GLCE: variants seen among roughly 807,000 people sequenced by gnomAD.
GLCE encodes D-glucuronyl C5-epimerase.
GLCE carries 19 observed loss-of-function variants against 47.9 expected under a neutral mutation model. The observed-to-expected ratio is 0.40, with a 90% CI of 0.28 to 0.58. The LOEUF (loss-of-function observed/expected upper bound fraction) is 0.58. Ranked by LOEUF, GLCE falls within the 20% of genes least tolerant of loss-of-function variation. The probability of loss-of-function intolerance (pLI) is 0.48; values close to 1 mark genes in which losing one functional copy is unlikely to be tolerated. For missense variants in GLCE, 556 were observed against 743.3 expected (o/e 0.75, Z 2.93); for synonymous variants, 245 against 263.4 (o/e 0.93, Z 0.68).
chr15:69,219,900 C>T (rs1291077940), intron 2 of GLCE, among the ~76,000 whole-genome samples: 1 of 152,050 alleles, frequency 6.6e-6, no homozygotes, highest in African/African-American at 2.4e-5. Flanking sequence ...TCCCCCACTC[C>T]CTGGCAACCA....
intron 1 of GLCE, among the ~76,000 whole-genome samples, chr15:69,178,525 A>G (rs911715852): frequency 6.6e-6 from 1 of 152,116 alleles, no homozygotes; most frequent in Non-Finnish European, 1.5e-5. Context: ...ATAAGTTAAT[A>G]TATGTGGAGT....
chr15:69,252,641 C>T lies in GLCE; in HGVS notation c.-13-3153C>T, dbSNP rs558225520. Among the ~76,000 whole-genome samples the T allele has an allele frequency of 9.2e-5, 14 of 152,062 alleles. No homozygotes were observed. The East Asian group carries it at 1.7e-3, about 19-fold the overall frequency. On this transcript the variant is annotated intron_variant, in intron 2 of 4. Coordinates refer to ENST00000261858, the MANE Select transcript of GLCE (RefSeq NM_015554.3). Reference sequence around the variant, plus strand: ...TTCCATAAGCAGGGTTGCAGGCATGCGAGTAGTGGAGGAAGGGCACTTCTC... The same window carrying T: ...TTCCATAAGCAGGGTTGCAGGCATGTGAGTAGTGGAGGAAGGGCACTTCTC...
chr15:69,224,433 G>GA, intron 2 of GLCE, among the ~76,000 whole-genome samples: 1 of 152,124 alleles, frequency 6.6e-6, no homozygotes. Flanking sequence ...CCCAAAAGGA[G>GA]AAAAAGAGAA....
chr15:69,261,464 T>C (rs1286658779), intron 4 of GLCE, 135 bp downstream of exon 4: 6 of 804,600 alleles, frequency 7.5e-6, no homozygotes, highest in Non-Finnish European at 1.2e-5. Context: ...TAACAAATGG[T>C]GTCACCCCAA....
intron 2 of GLCE, among the ~76,000 whole-genome samples, chr15:69,221,804 A>G (rs1188433932): frequency 6.7e-6 from 1 of 149,556 alleles, no homozygotes; most frequent in African/African-American, 2.5e-5. Context: ...TGGATGTTGC[A>G]GTGAGCCAGG....
intron 2 of GLCE, among the ~76,000 whole-genome samples, chr15:69,215,991 T>C (rs888934392): frequency 1.3e-5 from 2 of 152,214 alleles, no homozygotes; most frequent in African/African-American, 2.4e-5. Context: ...TCTGACTATT[T>C]AGCTATGCTT....
chr15:69,167,959 C>T (rs2051529957), intron 1 of GLCE, among the ~76,000 whole-genome samples: 1 of 151,934 alleles, frequency 6.6e-6, no homozygotes, highest in South Asian at 2.1e-4. Context: ...CCTTCACTTC[C>T]TTCAGGTCTT....
chr15:69,165,491 G>C (rs529011152), intron 1 of GLCE, among the ~76,000 whole-genome samples: 1 of 137,392 alleles, frequency 7.3e-6, no homozygotes, highest in Admixed American at 7.2e-5. Context: ...AAGATACAAC[G>C]TAAGCACTGT....
intron 1 of GLCE, among the ~76,000 whole-genome samples, chr15:69,190,804 T>C (rs767210890): frequency 5.9e-5 from 9 of 152,158 alleles, no homozygotes; most frequent in Non-Finnish European, 1.3e-4. Flanking sequence ...TGTCTACTGT[T>C]GTGCTGTTTG....
chr15:69,213,052 C>T (rs1279192970), intron 2 of GLCE, among the ~76,000 whole-genome samples: 1 of 152,004 alleles, frequency 6.6e-6, no homozygotes, highest in Non-Finnish European at 1.5e-5. Context: ...AGAATAACGT[C>T]TCTTTTTCTC....
chr15:69,266,722 A>G (rs2140457458), intron 4 of GLCE: 9 of 940,716 alleles, frequency 9.6e-6, no homozygotes, highest in Non-Finnish European at 1.1e-5. Flanking sequence ...GAACCTTTCT[A>G]TTGAATATTC....
intron 1 of GLCE, among the ~76,000 whole-genome samples, chr15:69,164,185 T>A (rs1267867587): frequency 6.6e-6 from 1 of 152,172 alleles, no homozygotes; most frequent in Non-Finnish European, 1.5e-5. Context: ...ATCTGATAGA[T>A]ATATTTTGCT....
chr15:69,270,013 AG>A lies in GLCE; in HGVS notation c.*770del, dbSNP rs2140462505. On this transcript the variant is annotated 3_prime_UTR_variant, in exon 5 of 5. Coordinates refer to ENST00000261858, the MANE Select transcript of GLCE (RefSeq NM_015554.3). ...ATCCCTTCCCAACCCCCATTGTGAC[AG>A]TTTCTTTTTGTCACTGTCTAGAATT... 6.5e-6 allele frequency: 1 copy of A among 152,710 alleles called. No individual in the cohort carries two copies. The highest frequency in any genetic ancestry group is 1.5e-5 in the Non-Finnish European group (1 of 68,004). 9.5% of individuals were successfully genotyped at this position (152,710 alleles called of 1,614,324 possible).
At position 69,268,375 on chromosome 15, in the gene GLCE, C is replaced by G. The variant is rs1274986804; in HGVS notation, c.985C>G (p.Leu329Val). Residue 329 changes from leucine (L) to valine (V), a missense_variant, in exon 5 of 5, where the codon CTA (leucine) becomes GTA (valine). This residue lies in a region of GLCE where 245 missense variants were observed against 368.1 expected (regional missense o/e 0.67). Coordinates refer to ENST00000261858, the MANE Select transcript of GLCE (RefSeq NM_015554.3). ...FTIHYVSNAQLIAFKERDIYY... is the reference protein window; with the variant it reads ...FTIHYVSNAQVIAFKERDIYY... ...TATACATTATGTCTCAAATGCTCAGCTAATTGCTTTTAAAGAAAGAGATAT... is the reference window on the plus strand; with the variant it reads ...TATACATTATGTCTCAAATGCTCAGGTAATTGCTTTTAAAGAAAGAGATAT... 1 of 1,613,962 alleles carries G rather than the reference C, an allele frequency of 6.2e-7. No individual in the cohort carries two copies. The highest frequency in any genetic ancestry group is 8.5e-7 in the Non-Finnish European group (1 of 1,179,964).
chr15:69,228,001 A>G (rs577752934), intron 2 of GLCE, among the ~76,000 whole-genome samples: 10 of 152,342 alleles, frequency 6.6e-5, no homozygotes, highest in African/African-American at 2.4e-4. Context: ...ATCTGCTAAT[A>G]GATGCATTGA....
chr15:69,257,199 C>T (rs1270845320), intron 3 of GLCE, among the ~76,000 whole-genome samples: 3 of 152,132 alleles, frequency 2.0e-5, no homozygotes, highest in African/African-American at 7.2e-5. Flanking sequence ...TTCAGACTCC[C>T]ACAGACCGAA....
At position 69,270,994 on chromosome 15, in the gene GLCE, T is replaced by C. The variant is rs1244934424; in HGVS notation, c.*1750T>C. The C allele has an allele frequency of 6.6e-6, 1 of 152,304 alleles. No homozygotes were observed. The highest frequency in any genetic ancestry group is 1.5e-5 in the Non-Finnish European group (1 of 68,032). 9.4% of individuals were successfully genotyped at this position (152,304 alleles called of 1,614,324 possible). ...GTGCCGATGTTCAAAATAAACTTTC[T>C]CCAGTCTGGGAACCTTTTTTACTTC... On this transcript the variant is annotated 3_prime_UTR_variant, in exon 5 of 5. Coordinates refer to ENST00000261858, the MANE Select transcript of GLCE (RefSeq NM_015554.3).
At chr15:69,267,083 A>C (rs1282314755) in intron 4 of GLCE, among the ~76,000 whole-genome samples, 1 of 152,220 alleles carries the variant, frequency 6.6e-6, no homozygotes, top group African/African-American at 2.4e-5. Flanking sequence ...CTGCTATTTT[A>C]ATATGCTCAG....
chr15:69,235,790 A>T (rs541039148), intron 2 of GLCE, among the ~76,000 whole-genome samples: 1 of 152,218 alleles, frequency 6.6e-6, no homozygotes, highest in Non-Finnish European at 1.5e-5. Context: ...GATTAATTTT[A>T]CTAAGGTATA....
Sources: allele counts gnomAD v4.1 joint callset (sites outside exome capture counted in the v4.1 genomes callset), GRCh38; gene constraint gnomAD v4.1.1; regional missense constraint gnomAD v4.1.1; transcripts MANE v1.5; gene names NCBI Gene and HGNC (gene_info 2026-07-23, HGNC 2026-07-21).